OPHN1: variants seen among roughly 807,000 people sequenced by gnomAD.
OPHN1 encodes oligophrenin-1.
A neutral mutation model predicts 60.7 loss-of-function variants in OPHN1; 11 were observed. The observed-to-expected ratio is 0.18, with a 90% confidence interval of 0.11 to 0.30. The LOEUF is 0.30. Among genes scored for constraint, OPHN1 ranks in the 10% least tolerant of loss-of-function variants. The pLI is 1.00. For synonymous variants in OPHN1, 226 were observed against 222.6 expected (o/e 1.02, Z -0.14); for missense variants, 449 against 611.0 (o/e 0.73, Z 2.80).
At chrX:68,313,103 C>CAAAT (rs780744843) in intron 2 of OPHN1, among the ~76,000 whole-genome samples, 67 of 110,392 alleles carry the variant, frequency 6.1e-4, no homozygotes, top group African/African-American at 1.4e-3. Flanking sequence ...AACCCTATCT[C>CAAAT]AAATAAATAA....
intron 2 of OPHN1, among the ~76,000 whole-genome samples, chrX:68,321,927 A>G (rs1233329900): frequency 9.2e-6 from 1 of 109,266 alleles, no homozygotes; most frequent in Non-Finnish European, 1.9e-5. Flanking sequence ...ATAAAGAAAA[A>G]AAAAAGACCA....
At chrX:68,119,571 A>T (rs766351868) in intron 15 of OPHN1, among the ~76,000 whole-genome samples, 2 of 111,363 alleles carry the variant, frequency 1.8e-5, no homozygotes, top group Non-Finnish European at 3.8e-5. Flanking sequence ...AACAAAATCA[A>T]CTCTTCTTAG....
At chrX:68,116,329 A>C (rs773820720) in intron 16 of OPHN1, among the ~76,000 whole-genome samples, 49 of 111,852 alleles carry the variant, frequency 4.4e-4, no homozygotes, top group Non-Finnish European at 7.9e-4. Flanking sequence ...GCAAGAAAAT[A>C]TATTTTGGGA....
chrX:68,222,778 T>G (rs1602250013), intron 6 of OPHN1, among the ~76,000 whole-genome samples: 1 of 61,305 alleles, frequency 1.6e-5, no homozygotes, highest in Non-Finnish European at 2.9e-5. Context: ...GGGACTGTTG[T>G]GGGGTGGGGG....
chrX:68,384,635 T>C (rs1042546437), intron 2 of OPHN1, among the ~76,000 whole-genome samples: 1 of 110,145 alleles, frequency 9.1e-6, no homozygotes, highest in African/African-American at 3.3e-5. Context: ...GGCTGGAAAA[T>C]TGCTTGAATG....
At chrX:68,186,613 T>C (rs1206487159) in intron 15 of OPHN1, among the ~76,000 whole-genome samples, 1 of 111,416 alleles carries the variant, frequency 9.0e-6, no homozygotes, top group Non-Finnish European at 1.9e-5. Flanking sequence ...TTGGAAAACA[T>C]GGTATCTTAG....
At chrX:68,133,479 A>C (rs1457486279) in intron 15 of OPHN1, 10 of 520,815 alleles carry the variant, frequency 1.9e-5, no homozygotes, top group Non-Finnish European at 3.1e-5. Context: ...GTTTAACCTC[A>C]AGAGATGCCT....
intron 21 of OPHN1, among the ~76,000 whole-genome samples, chrX:68,056,348 C>A (rs1050891231): frequency 9.0e-6 from 1 of 111,357 alleles, no homozygotes; most frequent in Non-Finnish European, 1.9e-5. Flanking sequence ...TGTAAATGTT[C>A]GTGAAGTTCT....
In OPHN1 at chrX:68,048,465, T is replaced by A; in HGVS notation, c.2376-8A>T. On this transcript the variant is annotated splice_region_variant and splice_polypyrimidine_tract_variant and intron_variant, in intron 23 of 24. Coordinates refer to ENST00000355520, the MANE Select transcript of OPHN1 (RefSeq NM_002547.3). The stretch of plus-strand genomic sequence containing the variant: ...GGAAGTCTGCCTTGAGAACTGTGGA[T>A]AAAGAAAGACGTTTCACTAAGATTC... 8.3e-7 allele frequency: 1 copy of A among 1,207,122 alleles called. No homozygotes were observed. Among genetic ancestry groups the A allele is most frequent in the Non-Finnish European group, 1.1e-6 (1 of 891,706 alleles).
At chrX:68,225,072 A>G (rs2077683560) in intron 6 of OPHN1, among the ~76,000 whole-genome samples, 1 of 112,330 alleles carries the variant, frequency 8.9e-6, no homozygotes. Context: ...CCAGGAGATT[A>G]TATACCATGC....
At chrX:68,129,306 CA>C (rs1569220356) in intron 15 of OPHN1, among the ~76,000 whole-genome samples, 4 of 111,070 alleles carry the variant, frequency 3.6e-5, no homozygotes, top group Admixed American at 2.9e-4. Flanking sequence ...CTTTGCATCT[CA>C]AAAATAAGTC....
chrX:68,361,791 G>T (rs1458455074), intron 2 of OPHN1, among the ~76,000 whole-genome samples: 1 of 111,300 alleles, frequency 9.0e-6, no homozygotes, highest in Non-Finnish European at 1.9e-5. Flanking sequence ...TTAATTTTTT[G>T]AAGAAATATC....
chrX:68,214,092 C>A, intron 6 of OPHN1, 120 bp from the exon 7 acceptor site: 1 of 499,080 alleles, frequency 2.0e-6, no homozygotes, highest in Non-Finnish European at 3.6e-6. Context: ...AGTGATGTTA[C>A]CTTTTATTTT....
chrX:68,373,844 T>G (rs1283091707), intron 2 of OPHN1, among the ~76,000 whole-genome samples: 1 of 111,428 alleles, frequency 9.0e-6, no homozygotes, highest in African/African-American at 3.3e-5. Context: ...CATGACAGGT[T>G]AAGTGATTTC....
At chrX:68,061,987 G>A (rs919503572) in intron 21 of OPHN1, among the ~76,000 whole-genome samples, 4 of 112,097 alleles carry the variant, frequency 3.6e-5, no homozygotes, top group African/African-American at 1.3e-4. Context: ...AAAAGTTATG[G>A]CTTACCTGAA....
chrX:68,287,840 T>C (rs1332194447), intron 3 of OPHN1, among the ~76,000 whole-genome samples: 2 of 112,201 alleles, frequency 1.8e-5, no homozygotes, highest in Admixed American at 1.9e-4. Flanking sequence ...AAAGTTGATT[T>C]TGGAAATTTC....
chrX:68,392,851 CT>C (rs2078660561), intron 2 of OPHN1, among the ~76,000 whole-genome samples: 1 of 109,765 alleles, frequency 9.1e-6, no homozygotes, highest in South Asian at 4.0e-4. Context: ...TCGATCCCCC[CT>C]TCCAGCTCCC....
intron 19 of OPHN1, among the ~76,000 whole-genome samples, chrX:68,080,064 T>A (rs1345201035): frequency 2.7e-5 from 3 of 111,930 alleles, no homozygotes; most frequent in African/African-American, 9.7e-5. Context: ...GGTAGAGTGA[T>A]CTTTCTCAAC....
intron 2 of OPHN1, among the ~76,000 whole-genome samples, chrX:68,386,976 G>T (rs866151670): frequency 9.0e-6 from 1 of 111,251 alleles, no homozygotes; most frequent in Non-Finnish European, 1.9e-5. Context: ...GAAAACCCTA[G>T]GTAAACTGTA....
Sources: allele counts gnomAD v4.1 joint callset (sites outside exome capture counted in the v4.1 genomes callset), GRCh38; gene constraint gnomAD v4.1.1; transcripts MANE v1.5; gene names NCBI Gene and HGNC (gene_info 2026-07-23, HGNC 2026-07-21).